Variants in DST observed in about 807,000 individuals in gnomAD.
DST encodes the protein bullous pemphigoid antigen.
A neutral mutation model predicts 875.2 loss-of-function variants in DST; 253 were observed. That is an observed-to-expected ratio of 0.29 (90% CI 0.26 to 0.32). DST has a LOEUF of 0.32. Ranked by LOEUF, DST falls within the 10% of genes least tolerant of loss-of-function variation. The probability of loss-of-function intolerance (pLI) is 1.00; values close to 1 mark genes in which losing one functional copy is unlikely to be tolerated. For synonymous variants in DST, 3,124 were observed against 3,197.1 expected, an observed-to-expected ratio of 0.98 and a Z score of 0.77; for missense variants, 8,287 against 9,111.6, an observed-to-expected ratio of 0.91 and a Z score of 3.68.
chr6:56,720,431 A>C (rs896437601), intron 5 of DST, among the ~76,000 whole-genome samples: 1 of 150,262 alleles, frequency 6.7e-6, no homozygotes, highest in Non-Finnish European at 1.5e-5. Flanking sequence ...ATAGGACAAT[A>C]GTGGAGAGAA....
In DST at chr6:56,713,913, T is replaced by C. The variant is rs150351525; in HGVS notation, c.688-9544A>G. Among the ~76,000 whole-genome samples the C allele has an allele frequency of 4.2e-4, 64 of 152,352 alleles. No individual in the cohort carries two copies. In the East Asian group the frequency reaches 0.011, roughly 27 times the overall value. On this transcript the variant is annotated intron_variant, in intron 5 of 103. Transcript: ENST00000680361. ...AACATAAGCTCATTTCCTTGGGTCC[T>C]TGAAAATAAACAACTGAGAGCAACT...
At chr6:56,774,693 T>C (rs1196087910) in intron 4 of DST, among the ~76,000 whole-genome samples, 1 of 152,118 alleles carries the variant, frequency 6.6e-6, no homozygotes, top group Non-Finnish European at 1.5e-5. Flanking sequence ...CTAAAGATTA[T>C]ACAAAGAAGA....
intron 4 of DST, among the ~76,000 whole-genome samples, chr6:56,792,104 T>C (rs1022829549): frequency 6.6e-6 from 1 of 151,420 alleles, no homozygotes; most frequent in Non-Finnish European, 1.5e-5. Flanking sequence ...CTAGCCAAAC[T>C]TGGGACAATT....
intron 10 of DST, among the ~76,000 whole-genome samples, chr6:56,652,314 G>T (rs2098980580): frequency 6.6e-6 from 1 of 152,152 alleles, no homozygotes; most frequent in African/African-American, 2.4e-5. Flanking sequence ...AGGAAACTTG[G>T]ATCTCAAAAA....
intron 4 of DST, among the ~76,000 whole-genome samples, chr6:56,766,754 C>T (rs1410375543): frequency 2.0e-5 from 3 of 152,160 alleles, no homozygotes; most frequent in Non-Finnish European, 4.4e-5. Flanking sequence ...TGGTCTCGAA[C>T]TCCTGACCTC....
At chr6:56,769,861 A>G (rs1368947123) in intron 4 of DST, among the ~76,000 whole-genome samples, 1 of 152,216 alleles carries the variant, frequency 6.6e-6, no homozygotes, top group Non-Finnish European at 1.5e-5. Context: ...TCCTGTCCTC[A>G]AAAAGCTTAT....
chr6:56,670,227 A>T (rs999901125), intron 10 of DST, among the ~76,000 whole-genome samples: 32 of 147,158 alleles, frequency 2.2e-4, no homozygotes, highest in African/African-American at 5.7e-4. Flanking sequence ...TGATTTTTAA[A>T]TTTTTTTTTT....
chr6:56,771,683 C>T (rs549229533), intron 4 of DST, among the ~76,000 whole-genome samples: 132 of 152,218 alleles, frequency 8.7e-4, no homozygotes, highest in Non-Finnish European at 1.7e-3. Flanking sequence ...CATGTAAGAG[C>T]AAAATCAATC....
chr6:56,593,516 C>CAAA (rs58251502), intron 48 of DST, 147 bp downstream of exon 48: 204 of 318,962 alleles, frequency 6.4e-4, no homozygotes, highest in East Asian at 1.2e-3. Flanking sequence ...GACTCCTTCT[C>CAAA]AAAAAAAAAA....
chr6:56,771,019 A>T (rs554094174), intron 4 of DST, among the ~76,000 whole-genome samples: 1 of 152,072 alleles, frequency 6.6e-6, no homozygotes, highest in African/African-American at 2.4e-5. Flanking sequence ...AAAAAAGAAA[A>T]ATCCAGCAAG....
chr6:56,535,965 C>T (rs950577646), intron 62 of DST, among the ~76,000 whole-genome samples: 2 of 152,176 alleles, frequency 1.3e-5, no homozygotes, highest in Admixed American at 1.3e-4. Context: ...AGCATTCCAA[C>T]TGTGTTTAAG....
intron 64 of DST, among the ~76,000 whole-genome samples, chr6:56,531,410 C>T (rs1192321907): frequency 1.3e-5 from 2 of 152,136 alleles, no homozygotes; most frequent in African/African-American, 4.8e-5. Context: ...CCCATGGCAG[C>T]CAGGGCACAG....
intron 64 of DST, among the ~76,000 whole-genome samples, chr6:56,531,010 A>T (rs2096887698): frequency 6.6e-6 from 1 of 152,214 alleles, no homozygotes; most frequent in South Asian, 2.1e-4. Context: ...ATTACAGAAA[A>T]TTGGCATAAG....
At chr6:56,642,841 G>A in intron 15 of DST, 1 of 1,610,434 alleles carries the variant, frequency 6.2e-7, no homozygotes, top group Non-Finnish European at 8.5e-7. Context: ...AGACTAAAAG[G>A]TAGGAGGTCT....
rs1267343334 is a variant in DST, at chr6:56,646,088, T to G, written c.1649A>C (p.Glu550Ala). Residue 550 changes from glutamate (E) to alanine (A), a missense_variant and splice_region_variant, in exon 14 of 104, where the codon GAG becomes GCG. Glu to Ala is a moderately radical substitution (Grantham distance 107). Coordinates refer to ENST00000680361, the MANE Select transcript of DST (RefSeq NM_001374736.1). ...AATACAAAGCAAATTTGAGCTTACC[T>G]CTAATAATTTATATAGACGTTTAAT... The part of the protein sequence containing the change: ...SKIKRLYKLL[E>A]IWIEFGRIKL... 6.5e-7 allele frequency: 1 copy of G among 1,549,026 alleles called. No homozygotes were observed. The highest frequency in any genetic ancestry group is 8.7e-7 in the Non-Finnish European group (1 of 1,144,150).
At chr6:56,698,002 C>T (rs1352442625) in intron 9 of DST, among the ~76,000 whole-genome samples, 2 of 152,122 alleles carry the variant, frequency 1.3e-5, no homozygotes, top group East Asian at 3.9e-4. Flanking sequence ...CCAGTAATGC[C>T]CTCAGTCCTT....
In DST at chr6:56,834,457, C is replaced by T. The variant is rs143282745; in HGVS notation, c.625+16940G>A. Among the ~76,000 whole-genome samples, 509 of 152,148 alleles carry T rather than the reference C, an allele frequency of 3.3e-3. 4 individuals carry two copies. The highest frequency in any genetic ancestry group is 0.012 in the African/African-American group (493 of 41,490). On this transcript the variant is annotated intron_variant, in intron 4 of 103. Coordinates refer to ENST00000680361, the MANE Select transcript of DST (RefSeq NM_001374736.1). Reference sequence around the variant, plus strand: ...ACTAAAAATACAAAAATTAGCCAGGCGTGGTGGCGGATGCCTGTAATCCCA... The same window carrying T: ...ACTAAAAATACAAAAATTAGCCAGGTGTGGTGGCGGATGCCTGTAATCCCA...
At chr6:56,710,022 A>G (rs2099356841) in intron 5 of DST, among the ~76,000 whole-genome samples, 1 of 152,198 alleles carries the variant, frequency 6.6e-6, no homozygotes, top group Non-Finnish European at 1.5e-5. Flanking sequence ...CCAGGTTAAG[A>G]AGCTTGAACT....
Position 56,714,855 on chromosome 6 carries a change from TCATCC to T in DST, c.688-10491_688-10487del, listed in dbSNP as rs1387089260. Among the ~76,000 whole-genome samples, 2 of 152,226 alleles carry T rather than the reference TCATCC, an allele frequency of 1.3e-5. No homozygotes were observed. Among genetic ancestry groups the T allele is most frequent in the African/African-American group, 4.8e-5 (2 of 41,466 alleles). On this transcript the variant is annotated intron_variant, in intron 5 of 103. Coordinates refer to ENST00000680361, the MANE Select transcript of DST (RefSeq NM_001374736.1). The surrounding 1 kb of genome is among the most constrained non-coding windows in gnomAD (Gnocchi z 4.5). ...TTTCCTACTAGGTCAAATTCTAACGTCATCCAGGCAGTGATGGTTTCCTTCTTCTG... is the reference window on the plus strand; with the variant it reads ...TTTCCTACTAGGTCAAATTCTAACGTAGGCAGTGATGGTTTCCTTCTTCTG...
Sources: gnomAD v4.1 joint callset for allele counts (sites outside exome capture counted in the v4.1 genomes callset) on GRCh38, gnomAD v4.1.1 for gene constraint, Gnocchi (gnomAD v3.1) non-coding constraint, MANE v1.5 for transcripts, NCBI Gene and HGNC (gene_info 2026-07-23, HGNC 2026-07-21) for gene names.